Variants in MBNL2 observed in about 807,000 individuals in gnomAD.
MBNL2 encodes the protein muscleblind like splicing regulator 2, also known as muscleblind-like protein 2.
A neutral mutation model predicts 41.9 loss-of-function variants in MBNL2; 17 were observed. That is an observed-to-expected ratio of 0.41 (90% CI 0.28 to 0.61). MBNL2 has a LOEUF of 0.61. MBNL2 is among the 20% of genes least tolerant of loss of function. The pLI, the probability that MBNL2 is intolerant of heterozygous loss-of-function variation, is 0.35. For synonymous variants in MBNL2, 195 were observed against 182.9 expected (o/e 1.07, Z -0.53); for missense variants, 336 against 505.6 (o/e 0.66, Z 3.22).
chr13:97,281,400 A>T (rs552873014), intron 2 of MBNL2, among the ~76,000 whole-genome samples: 20 of 152,338 alleles, frequency 1.3e-4, no homozygotes, highest in African/African-American at 4.8e-4. Context: ...TACAACATTG[A>T]CAAATTTTCA....
At chr13:97,224,854 C>T (rs1315381082) in intron 1 of MBNL2, among the ~76,000 whole-genome samples, 1 of 152,168 alleles carries the variant, frequency 6.6e-6, no homozygotes, top group Non-Finnish European at 1.5e-5. Context: ...GAAATCAAAG[C>T]GTTGTTGTTT....
chr13:97,166,462 C>CTG, the MBNL2 span, among the ~76,000 whole-genome samples: 115,782 of 151,890 alleles, frequency 0.76, 44,272 homozygotes, highest in African/African-American at 0.82. Context: ...TTGTGTATGT[C>CTG]TGAGGGTGTT....
intron 2 of MBNL2, among the ~76,000 whole-genome samples, chr13:97,304,176 A>G (rs149170956): frequency 1.6e-4 from 25 of 152,366 alleles, no homozygotes; most frequent in African/African-American, 5.8e-4. Context: ...GGGGACAGGA[A>G]TTTGCATTTT....
upstream of MBNL2, among the ~76,000 whole-genome samples, chr13:97,217,129 A>G (rs2040447382): frequency 1.3e-5 from 2 of 149,006 alleles, no homozygotes; most frequent in South Asian, 2.1e-4. Flanking sequence ...TATAATATAT[A>G]GTACACATAT....
chr13:97,368,331 T>C (rs1007126496), intron 8 of MBNL2, among the ~76,000 whole-genome samples: 12 of 151,982 alleles, frequency 7.9e-5, no homozygotes, highest in Admixed American at 6.6e-4. Flanking sequence ...GAGGATCGCC[T>C]GAGCCTGGGG....
the MBNL2 span, among the ~76,000 whole-genome samples, chr13:97,172,024 A>T: frequency 6.6e-6 from 1 of 152,160 alleles, no homozygotes; most frequent in Non-Finnish European, 1.5e-5. Context: ...TTTTCCTTAT[A>T]AATTATCCAG....
chr13:97,206,113 C>T, the MBNL2 span, among the ~76,000 whole-genome samples: 1 of 152,168 alleles, frequency 6.6e-6, no homozygotes, highest in East Asian at 1.9e-4. Context: ...GCTCAGTAAA[C>T]ATCCTCCCTT....
intron 3 of MBNL2, among the ~76,000 whole-genome samples, chr13:97,341,766 A>G (rs991277418): frequency 1.3e-5 from 2 of 152,230 alleles, no homozygotes; most frequent in African/African-American, 2.4e-5. Context: ...ACTTTTCATA[A>G]GAGATATTTT....
intron 1 of MBNL2, among the ~76,000 whole-genome samples, chr13:97,265,967 C>T (rs181149290): frequency 3.1e-4 from 47 of 152,152 alleles, no homozygotes; most frequent in Middle Eastern, 3.4e-3. Flanking sequence ...TTAGGCCGGG[C>T]ACGGTGGCTC....
At chr13:97,181,648 G>C in the MBNL2 span, among the ~76,000 whole-genome samples, 26 of 152,178 alleles carry the variant, frequency 1.7e-4, no homozygotes, top group African/African-American at 6.3e-4. Context: ...CTTTTTTCAG[G>C]AGGCAGTCTA....
At chr13:97,253,758 ACG>A (rs2047013764) in intron 1 of MBNL2, among the ~76,000 whole-genome samples, 2 of 131,936 alleles carry the variant, frequency 1.5e-5, no homozygotes, top group African/African-American at 8.1e-5. Flanking sequence ...ATTTATTAAT[ACG>A]TATTAATTTA....
chr13:97,315,548 A>C (rs540258239), intron 2 of MBNL2, among the ~76,000 whole-genome samples: 1 of 152,250 alleles, frequency 6.6e-6, no homozygotes. Flanking sequence ...TGTTACAGAC[A>C]TGCAGAGAAG....
upstream of MBNL2, among the ~76,000 whole-genome samples, chr13:97,217,091 GAT>G (rs1339346974): frequency 1.4e-5 from 2 of 147,226 alleles, no homozygotes; most frequent in Non-Finnish European, 3.0e-5. Context: ...TATAATATAT[GAT>G]ATATACATAT....
At chr13:97,246,821 T>C (rs990097045) in intron 1 of MBNL2, among the ~76,000 whole-genome samples, 2 of 152,210 alleles carry the variant, frequency 1.3e-5, no homozygotes, top group African/African-American at 4.8e-5. Context: ...ATATCGGCTT[T>C]ATGAGCTGGT....
In MBNL2 at chr13:97,366,368, T is replaced by C; in HGVS notation, c.1048+1197T>C. The C allele has an allele frequency of 3.0e-6, 2 of 677,846 alleles. No individual in the cohort carries two copies. The highest frequency in any genetic ancestry group is 5.4e-6 in the Non-Finnish European group (2 of 373,676). The allele number at this position is 677,846 out of a possible 1,614,324, so 42.0% of individuals were successfully genotyped here. On this transcript the variant is annotated intron_variant, in intron 8 of 8. Transcript: ENST00000679496. This position sits in a 1 kb window ranked among gnomAD's most constrained non-coding sequence, Gnocchi z 4.7. Reference sequence around the variant, plus strand: ...GCTGGTTTAACCCATGATGGCTTGCTGCTCTGATATTCACCATGCCAAAAT... The same window carrying C: ...GCTGGTTTAACCCATGATGGCTTGCCGCTCTGATATTCACCATGCCAAAAT...
intron 1 of MBNL2, among the ~76,000 whole-genome samples, chr13:97,269,355 T>C (rs1373728746): frequency 6.6e-6 from 1 of 152,172 alleles, no homozygotes; most frequent in Non-Finnish European, 1.5e-5. Context: ...AATGGGGCAA[T>C]GCCGTTATAC....
At chr13:97,310,001 AC>A (rs2058444837) in intron 2 of MBNL2, among the ~76,000 whole-genome samples, 2 of 152,242 alleles carry the variant, frequency 1.3e-5, no homozygotes, top group Non-Finnish European at 2.9e-5. Context: ...TGGTGTTTGA[AC>A]ATTCATTTGA....
intron 1 of MBNL2, among the ~76,000 whole-genome samples, chr13:97,224,208 G>A (rs2041244022): frequency 6.6e-6 from 1 of 152,142 alleles, no homozygotes; most frequent in African/African-American, 2.4e-5. Flanking sequence ...TGGTCCCCGG[G>A]GCCCTATTCC....
intron 3 of MBNL2, among the ~76,000 whole-genome samples, chr13:97,335,549 CT>C (rs1480866327): frequency 6.6e-6 from 1 of 152,112 alleles, no homozygotes; most frequent in African/African-American, 2.4e-5. Flanking sequence ...CTCCAGGCTT[CT>C]GTACAGAGTA....
Sources: allele counts gnomAD v4.1 joint callset (sites outside exome capture counted in the v4.1 genomes callset), GRCh38; gene constraint gnomAD v4.1.1; non-coding constraint Gnocchi (gnomAD v3.1); transcripts MANE v1.5; gene names NCBI Gene and HGNC (gene_info 2026-07-23, HGNC 2026-07-21).